The following EIF4E2 variants were observed in gnomAD, a reference collection of about 807,000 sequenced individuals.
EIF4E2 encodes eukaryotic translation initiation factor 4E type 2.
EIF4E2 carries 13 observed loss-of-function variants against 34.2 expected under a neutral mutation model. The ratio of observed to expected loss-of-function variants is 0.38; its 90% CI spans 0.25 to 0.60. EIF4E2 has a LOEUF of 0.60. EIF4E2 is among the 20% of genes least tolerant of loss of function. EIF4E2 has a pLI of 0.62. For synonymous variants in EIF4E2, 100 were observed against 106.6 expected (o/e 0.94, Z 0.38); for missense variants, 222 against 315.1 (o/e 0.70, Z 2.24).
At chr2:232,574,382 C>G (rs1559322642) in intron 6 of EIF4E2, 1 of 1,540,032 alleles carries the variant, frequency 6.5e-7, no homozygotes, top group Non-Finnish European at 8.8e-7. Context: ...TGTGACATAC[C>G]TCTCATCCAT....
chr2:232,550,889 G>T (rs994343355), intron 1 of EIF4E2, 145 bp downstream of exon 1: 1 of 817,036 alleles, frequency 1.2e-6, no homozygotes, highest in African/African-American at 1.8e-5. Context: ...CTGGACTGGC[G>T]GGGAGGAGGG....
chr2:232,579,550 G>A (rs1408964444), intron 6 of EIF4E2, among the ~76,000 whole-genome samples: 2 of 152,296 alleles, frequency 1.3e-5, no homozygotes, highest in South Asian at 2.1e-4. Context: ...TCAGCTGACC[G>A]CCATCATGGA....
intron 1 of EIF4E2, chr2:232,551,324 A>G: frequency 2.1e-6 from 1 of 470,242 alleles, no homozygotes; most frequent in Admixed American, 2.4e-5. Context: ...CCGTCTTCCA[A>G]CACACTCGCC....
intron 6 of EIF4E2, among the ~76,000 whole-genome samples, chr2:232,580,333 A>AT (rs898457596): frequency 8.5e-5 from 13 of 152,244 alleles, no homozygotes; most frequent in Non-Finnish European, 1.3e-4. Flanking sequence ...TGTGTGTTAG[A>AT]TAAAAAGAAA....
intron 6 of EIF4E2, among the ~76,000 whole-genome samples, chr2:232,578,206 G>A (rs1693265556): frequency 6.6e-6 from 1 of 152,194 alleles, no homozygotes; most frequent in Non-Finnish European, 1.5e-5. Flanking sequence ...AATCAAACTG[G>A]AAAAACTCAG....
intron 6 of EIF4E2, among the ~76,000 whole-genome samples, chr2:232,578,042 C>T (rs181906995): frequency 6.6e-6 from 1 of 152,292 alleles, no homozygotes; most frequent in African/African-American, 2.4e-5. Context: ...GAGGTGAACA[C>T]ATTCCTCAGA....
chr2:232,558,017 C>G lies in EIF4E2; in HGVS notation c.269C>G (p.Ser90Cys). 1.9e-6 allele frequency: 3 copies of G among 1,613,944 alleles called. No individual in the cohort carries two copies. Among genetic ancestry groups the G allele is most frequent in the Non-Finnish European group, 2.5e-6 (3 of 1,179,970 alleles). The change falls in exon 3 of 7, where the codon TCT becomes TGT. Residue 90 changes from serine (S) to cysteine (C), a missense_variant and splice_region_variant. Coordinates refer to ENST00000258416, the MANE Select transcript of EIF4E2 (RefSeq NM_004846.4). ...ATCAAACAGATTGGCACCTTTGCCTCTGTGAGTTCTTGGTGAATTAATGGA... is the reference window on the plus strand; with the variant it reads ...ATCAAACAGATTGGCACCTTTGCCTGTGTGAGTTCTTGGTGAATTAATGGA... ...QNIKQIGTFA[S>C]VEQFWRFYSH... is the part of the protein sequence containing the mutation.
intron 1 of EIF4E2, among the ~76,000 whole-genome samples, chr2:232,554,439 A>G (rs1220757763): frequency 6.6e-6 from 1 of 152,192 alleles, no homozygotes; most frequent in Non-Finnish European, 1.5e-5. Flanking sequence ...GCGTGGGTAT[A>G]TCTGTGTACC....
chr2:232,579,123 T>TACACAC (rs71056276), intron 6 of EIF4E2, among the ~76,000 whole-genome samples: 4,809 of 146,598 alleles, frequency 0.033, 97 homozygotes, highest in Middle Eastern at 0.075. Context: ...AACTCAGAAA[T>TACACAC]ACACACACAC....
At chr2:232,561,393 A>G (rs1321605660) in intron 3 of EIF4E2, among the ~76,000 whole-genome samples, 1 of 151,756 alleles carries the variant, frequency 6.6e-6, no homozygotes, top group African/African-American at 2.4e-5. Context: ...GTTTCAGTGT[A>G]TATGTTAAGG....
Position 232,559,086 on chromosome 2 carries a change from C to T in EIF4E2, c.270+1068C>T, listed in dbSNP as rs1190437. Among the ~76,000 whole-genome samples the T allele has an allele frequency of 3.1e-3, 448 of 146,584 alleles. 9 individuals are homozygous for T. Among genetic ancestry groups the T allele is most frequent in the African/African-American group, 0.011 (411 of 38,886 alleles). ...TTAAAATGCAGAAACTACGGGGGAGCGGGGAGGGATAGCATTGGGAGATAT... is the reference window on the plus strand; with the variant it reads ...TTAAAATGCAGAAACTACGGGGGAGTGGGGAGGGATAGCATTGGGAGATAT... On this transcript the variant is annotated intron_variant, in intron 3 of 6. Transcript: ENST00000258416.
At chr2:232,583,507 T>C (rs905333082) in exon 7 of EIF4E2, 5 of 152,128 alleles carry the variant, frequency 3.3e-5, no homozygotes, top group African/African-American at 1.2e-4. Flanking sequence ...GAGAAGCTTG[T>C]GGTCCACAAT....
Position 232,566,771 on chromosome 2 carries a change from A to G in EIF4E2, c.376-58A>G, listed in dbSNP as rs913196667. Reference sequence around the variant, plus strand: ...AGATTCTTGGCTTTTTACTGCCTTCATACAAAAAAAGGCTGTGAAACCATA... The same window carrying G: ...AGATTCTTGGCTTTTTACTGCCTTCGTACAAAAAAAGGCTGTGAAACCATA... On this transcript the variant is annotated intron_variant, in intron 4 of 6. Coordinates refer to ENST00000258416, the MANE Select transcript of EIF4E2 (RefSeq NM_004846.4). The surrounding 1 kb of genome is among the most constrained non-coding windows in gnomAD (Gnocchi z 4.9). 7 of 1,600,270 alleles carry G rather than the reference A, an allele frequency of 4.4e-6. No individual in the cohort carries two copies. Among genetic ancestry groups the G allele is most frequent in the South Asian group, 1.1e-5 (1 of 89,256 alleles).
intron 1 of EIF4E2, chr2:232,550,953 G>T: frequency 1.6e-6 from 1 of 627,388 alleles, no homozygotes; most frequent in Non-Finnish European, 2.8e-6. Context: ...CGTCCGAACC[G>T]AGGGCGAAGA....
In EIF4E2 at chr2:232,550,764, C is replaced by T; in HGVS notation, c.20+20C>T. 2 of 1,557,616 alleles carry T rather than the reference C, an allele frequency of 1.3e-6. No individual in the cohort carries two copies. Among genetic ancestry groups the T allele is most frequent in the South Asian group, 2.4e-5 (2 of 84,658 alleles). ...CGACGCGTGAGTGGCTCGTGGCCGC[C>T]CCCGGGGCCCCTTCCCCGAACAGTT... On this transcript the variant is annotated intron_variant, in intron 1 of 6. Coordinates refer to ENST00000258416, the MANE Select transcript of EIF4E2 (RefSeq NM_004846.4).
rs770558286 is a variant in EIF4E2, at chr2:232,567,219, G to A, written c.665+5G>A. ...AACTCACACCGACAGCATCAAGTAC[G>A]TGTTGGGGGGTTATGGGAGGACGTG... On this transcript the variant is annotated splice_donor_5th_base_variant and intron_variant, in intron 6 of 6. Transcript: ENST00000258416. The A allele has an allele frequency of 3.7e-6, 6 of 1,614,146 alleles. No individual in the cohort carries two copies. Among genetic ancestry groups the A allele is most frequent in the Admixed American group, 1.7e-5 (1 of 60,026 alleles).
chr2:232,556,467 A>C lies in EIF4E2; in HGVS notation c.72A>C (p.Thr24=). ...ATGATCAGAATGAAGAAAACAGCAC[A>C]CAGAAAGATGGTGAGAAGGAAAAAA... is the stretch of plus-strand genomic sequence containing the variant. ...GDHDQNEENS[T]QKDGEKEKTE... The change falls in exon 2 of 7, where the codon ACA becomes ACC. Residue 24 remains threonine, a synonymous_variant. Transcript: ENST00000258416. The C allele has an allele frequency of 6.2e-7, 1 of 1,613,934 alleles. No individual in the cohort carries two copies. The highest frequency in any genetic ancestry group is 1.1e-5 in the South Asian group (1 of 90,978).
downstream of EIF4E2, chr2:232,569,229 C>T: frequency 7.1e-7 from 1 of 1,399,694 alleles, no homozygotes; most frequent in Non-Finnish European, 9.3e-7. Context: ...CATGCTCTTG[C>T]TCTTTATGGT....
At chr2:232,554,736 C>T (rs940826535) in intron 1 of EIF4E2, among the ~76,000 whole-genome samples, 1 of 152,212 alleles carries the variant, frequency 6.6e-6, no homozygotes, top group Non-Finnish European at 1.5e-5. Flanking sequence ...TGCTCATCTG[C>T]TCCATTCTCT....
Sources: gnomAD v4.1 joint callset for allele counts (sites outside exome capture counted in the v4.1 genomes callset) on GRCh38, gnomAD v4.1.1 for gene constraint, Gnocchi (gnomAD v3.1) non-coding constraint, MANE v1.5 for transcripts, NCBI Gene and HGNC (gene_info 2026-07-23, HGNC 2026-07-21) for gene names.